Variants in D2HGDH observed in about 807,000 individuals in gnomAD.
D2HGDH encodes the protein D-2-hydroxyglutarate dehydrogenase, mitochondrial.
Under a neutral mutation model 46.9 loss-of-function variants are expected in D2HGDH, and 31 were observed. That is an observed-to-expected ratio of 0.66 (90% CI 0.50 to 0.89). The LOEUF is 0.89. D2HGDH is among the 40% of genes least tolerant of loss of function. D2HGDH has a pLI of 0.00. For missense variants in D2HGDH, 698 were observed against 720.8 expected (o/e 0.97, Z 0.36); for synonymous variants, 364 against 332.6 (o/e 1.09, Z -1.03).
intron 2 of D2HGDH, among the ~76,000 whole-genome samples, chr2:241,739,770 G>T (rs1382955962): frequency 6.6e-6 from 1 of 152,238 alleles, no homozygotes; most frequent in Non-Finnish European, 1.5e-5. Context: ...AAAGTGAGAA[G>T]CCGAGAGCCC....
chr2:241,745,269 TG>T (rs966951414), intron 6 of D2HGDH, among the ~76,000 whole-genome samples: 1 of 152,172 alleles, frequency 6.6e-6, no homozygotes, highest in Non-Finnish European at 1.5e-5. Flanking sequence ...CCTCCTGTAA[TG>T]GGGGGCTTCC....
chr2:241,757,193 A>T (rs184703396), intron 9 of D2HGDH, among the ~76,000 whole-genome samples: 77 of 152,356 alleles, frequency 5.1e-4, no homozygotes, highest in African/African-American at 1.7e-3. Flanking sequence ...TTTTACACAC[A>T]TGTAAACAGG....
chr2:241,759,223 T>C (rs1698510422), intron 9 of D2HGDH, among the ~76,000 whole-genome samples: 1 of 152,108 alleles, frequency 6.6e-6, no homozygotes, highest in Non-Finnish European at 1.5e-5. Flanking sequence ...GAAGTATACG[T>C]CGCGTGTTCA....
chr2:241,756,135 C>A, intron 9 of D2HGDH, 121 bp downstream of exon 9: 1 of 1,357,084 alleles, frequency 7.4e-7, no homozygotes. Context: ...TAGCATATCT[C>A]CCGTAGACAC....
chr2:241,736,949 C>T (rs1693038003), intron 2 of D2HGDH, among the ~76,000 whole-genome samples: 2 of 152,188 alleles, frequency 1.3e-5, no homozygotes, highest in Non-Finnish European at 2.9e-5. Flanking sequence ...GCATGAGCCA[C>T]TGCACTTAGC....
In D2HGDH at chr2:241,755,798, C is replaced by T. The variant is rs370014324; in HGVS notation, c.1141-51C>T. On this transcript the variant is annotated intron_variant, in intron 8 of 9. Coordinates refer to ENST00000321264, the MANE Select transcript of D2HGDH (RefSeq NM_152783.5). The stretch of plus-strand genomic sequence containing the variant: ...CCCCGTGTGGTGTGCCCCCTGTCCC[C>T]GGGTGTCGTTCCCATAGCCAGCCCT... 77 of 1,610,468 alleles carry T rather than the reference C, an allele frequency of 4.8e-5. No homozygotes were observed. The African/African-American group carries it at 7.5e-4, about 16-fold the overall frequency.
intron 8 of D2HGDH, among the ~76,000 whole-genome samples, chr2:241,751,761 A>G (rs1022390196): frequency 3.3e-5 from 5 of 152,130 alleles, no homozygotes; most frequent in Non-Finnish European, 5.9e-5. Flanking sequence ...GGGGCTGTGG[A>G]GGCTTAGCCT....
At chr2:241,736,451 G>C (rs986346536) in intron 2 of D2HGDH, among the ~76,000 whole-genome samples, 5 of 147,258 alleles carry the variant, frequency 3.4e-5, no homozygotes, top group Non-Finnish European at 7.6e-5. Flanking sequence ...GCCTCCAGAG[G>C]AGGCTCCTTC....
Position 241,767,496 on chromosome 2 carries a change from G to A in D2HGDH, c.1307-214G>A, listed in dbSNP as rs113902227. Among the ~76,000 whole-genome samples, 513 of 137,914 alleles carry A rather than the reference G, an allele frequency of 3.7e-3. 99 individuals are homozygous for A. The highest frequency in any genetic ancestry group is 0.015 in the African/African-American group (480 of 33,012). The allele number at this position is 137,914 out of a possible 152,430, so 90.5% of individuals were successfully genotyped here. A position where few individuals can be genotyped will look rare whatever the true frequency, so the allele number is the denominator to read the frequency against. Reference sequence around the variant, plus strand: ...CCCCGGGCTGAGGGAGTAGGAAGAGGGGGGAGAACTTGGGGAGAGAAGCAG... The same window carrying A: ...CCCCGGGCTGAGGGAGTAGGAAGAGAGGGGAGAACTTGGGGAGAGAAGCAG... On this transcript the variant is annotated intron_variant, in intron 9 of 9. Coordinates refer to ENST00000321264, the MANE Select transcript of D2HGDH (RefSeq NM_152783.5).
chr2:241,736,866 G>C (rs1693017280), intron 2 of D2HGDH, among the ~76,000 whole-genome samples: 1 of 151,338 alleles, frequency 6.6e-6, no homozygotes. Flanking sequence ...TCACCATGTT[G>C]ACCACGCTGG....
rs1491270413 is a variant in D2HGDH, at chr2:241,758,765, A to ATGTGTGTG, written c.1306+2752_1306+2753insGTGTGTGT. 4.4e-5 allele frequency among the ~76,000 whole-genome samples: 5 copies of ATGTGTGTG among 113,354 alleles called. No homozygotes were observed. In the South Asian group the frequency reaches 1.4e-3, roughly 32 times the overall value. The allele number at this position is 113,354 out of a possible 152,430, so 74.4% of individuals were successfully genotyped here. On this transcript the variant is annotated intron_variant, in intron 9 of 9. Transcript: ENST00000321264. The stretch of plus-strand genomic sequence containing the variant: ...GATCTATACCGCCCCCCGCCCCACA[A>ATGTGTGTG]TATATGTGTGTGTGTGTGTGTGTGT...
intron 9 of D2HGDH, among the ~76,000 whole-genome samples, chr2:241,764,133 G>A (rs1031003208): frequency 5.9e-5 from 9 of 152,148 alleles, no homozygotes; most frequent in Non-Finnish European, 1.3e-4. Context: ...CCCGGGCAGG[G>A]GATGTGTTCA....
In D2HGDH at chr2:241,767,915, G is replaced by T; in HGVS notation, c.1512G>T (p.Leu504=). Residue 504 remains leucine (L), a synonymous_variant, in exon 10 of 10, where the codon CTG becomes CTT. Transcript: ENST00000321264. ...ALQLMQQLKA[L]LDPKGILNPY... is the part of the protein sequence containing the mutation. The stretch of plus-strand genomic sequence containing the variant: ...AGCTCATGCAGCAGCTCAAGGCCCT[G>T]CTGGACCCCAAGGGCATCCTCAACC... 1 of 1,602,220 alleles carries T rather than the reference G, an allele frequency of 6.2e-7. No homozygotes were observed. Among genetic ancestry groups the T allele is most frequent in the South Asian group, 1.1e-5 (1 of 89,736 alleles).
chr2:241,755,402 G>A (rs770941454), intron 8 of D2HGDH: 29 of 1,305,748 alleles, frequency 2.2e-5, no homozygotes, highest in South Asian at 3.7e-5. Context: ...TTCAGGGAGC[G>A]TCCAGGCCCA....
At position 241,754,007 on chromosome 2, in the gene D2HGDH, G is replaced by A. The variant is rs548607171; in HGVS notation, c.1141-1842G>A. 1.2e-4 allele frequency among the ~76,000 whole-genome samples: 19 copies of A among 152,352 alleles called. 1 individual carries two copies. In the South Asian group the frequency reaches 3.7e-3, roughly 30 times the overall value. ...CCTGAGGGGTCATTTCAGCAAAGAC[G>A]GGGTGTGGGGAGCAGAACGTCTGGT... On this transcript the variant is annotated intron_variant, in intron 8 of 9. Transcript: ENST00000321264.
intron 6 of D2HGDH, among the ~76,000 whole-genome samples, chr2:241,746,420 ATGT>A (rs1224795656): frequency 6.6e-6 from 1 of 152,190 alleles, no homozygotes; most frequent in Admixed American, 6.5e-5. Context: ...CAAATCTGCA[ATGT>A]TACTTTTTAT....
At chr2:241,747,392 GTTTGCT>G (rs113730074) in intron 6 of D2HGDH, among the ~76,000 whole-genome samples, 82,087 of 150,368 alleles carry the variant, frequency 0.55, 24,143 homozygotes, top group African/African-American at 0.79. Context: ...TCCAGAGAGG[GTTTGCT>G]TTTGCTTTTG....
rs1156579539 is a variant in D2HGDH, at chr2:241,735,532, G to A, written c.292+16G>A. The A allele has an allele frequency of 9.4e-6, 15 of 1,602,672 alleles. No individual in the cohort carries two copies. Among genetic ancestry groups the A allele is most frequent in the Non-Finnish European group, 1.3e-5 (15 of 1,179,606 alleles). ...ACGCTGCGAGGTGGGTGAGGCTTGGGAAGCTGCGGCGTTTCCGCGTCCCTG... is the reference window on the plus strand; with the variant it reads ...ACGCTGCGAGGTGGGTGAGGCTTGGAAAGCTGCGGCGTTTCCGCGTCCCTG... On this transcript the variant is annotated intron_variant, in intron 2 of 9. Coordinates refer to ENST00000321264, the MANE Select transcript of D2HGDH (RefSeq NM_152783.5).
chr2:241,735,116 C>A lies in D2HGDH; in HGVS notation c.-92-17C>A. The A allele has an allele frequency of 8.3e-7, 1 of 1,200,562 alleles. No individual in the cohort carries two copies. Among genetic ancestry groups the A allele is most frequent in the Non-Finnish European group, 1.1e-6 (1 of 902,802 alleles). The allele number at this position is 1,200,562 out of a possible 1,614,324, so 74.4% of individuals were successfully genotyped here. A position where few individuals can be genotyped will look rare whatever the true frequency, so the allele number is the denominator to read the frequency against. On this transcript the variant is annotated splice_polypyrimidine_tract_variant and intron_variant, in intron 1 of 9. Coordinates refer to ENST00000321264, the MANE Select transcript of D2HGDH (RefSeq NM_152783.5). ...ACAACGTGCATAAAACATGAAATTA[C>A]CCTTGGCCACTTCCAGGCGCGCAGC... is the stretch of plus-strand genomic sequence containing the variant.
Sources: allele counts gnomAD v4.1 joint callset (sites outside exome capture counted in the v4.1 genomes callset), GRCh38; gene constraint gnomAD v4.1.1; transcripts MANE v1.5; gene names NCBI Gene and HGNC (gene_info 2026-07-23, HGNC 2026-07-21).